EIF2A: variants seen among roughly 807,000 people sequenced by gnomAD.
EIF2A encodes eukaryotic translation initiation factor 2A.
Under a neutral mutation model 75.2 loss-of-function variants are expected in EIF2A, and 62 were observed. The observed-to-expected ratio is 0.82, with a 90% CI of 0.67 to 1.02. The LOEUF (loss-of-function observed/expected upper bound fraction) is 1.02, where lower values mean the gene tolerates loss of function less well. Among genes scored for constraint, EIF2A ranks in the 50% least tolerant of loss-of-function variants. The probability of loss-of-function intolerance (pLI) is 0.00; values close to 1 mark genes in which losing one functional copy is unlikely to be tolerated. For synonymous variants in EIF2A, 207 were observed against 239.0 expected, an observed-to-expected ratio of 0.87 and a Z score of 1.23; for missense variants, 611 against 677.7, an observed-to-expected ratio of 0.90 and a Z score of 1.09.
Position 150,572,613 on chromosome 3 carries a change from G to A in EIF2A, c.1383+84G>A, listed in dbSNP as rs1286129222. 8 of 1,326,110 alleles carry A rather than the reference G, an allele frequency of 6.0e-6. 1 individual carries two copies. Among genetic ancestry groups the A allele is most frequent in the Middle Eastern group, 4.1e-4 (2 of 4,920 alleles). The allele number at this position is 1,326,110 out of a possible 1,614,324, so 82.1% of individuals were successfully genotyped here. A position where few individuals can be genotyped will look rare whatever the true frequency, so the allele number is the denominator to read the frequency against. Reference sequence around the variant, plus strand: ...TTCACATCCGTAATCCCAGCACTTCGGGAGGCCGAGGCGGGAGGATCACTT... The same window carrying A: ...TTCACATCCGTAATCCCAGCACTTCAGGAGGCCGAGGCGGGAGGATCACTT... On this transcript the variant is annotated intron_variant, in intron 10 of 13. Coordinates refer to ENST00000460851, the MANE Select transcript of EIF2A (RefSeq NM_032025.5).
At chr3:150,563,477 T>C (rs1231354155) in intron 4 of EIF2A, 38 bp from the exon 5 acceptor site, 1 of 1,462,142 alleles carries the variant, frequency 6.8e-7, no homozygotes, top group Non-Finnish European at 9.3e-7. Flanking sequence ...TTACAAATGT[T>C]ACAAGGCAAT....
In EIF2A at chr3:150,564,345, A is replaced by G. The variant is rs1315268529; in HGVS notation, c.439A>G (p.Asn147Asp). The G allele has an allele frequency of 6.2e-7, 1 of 1,603,706 alleles. No homozygotes were observed. The highest frequency in any genetic ancestry group is 2.2e-5 in the East Asian group (1 of 44,542). ...EDETLCARNVNNEVHFFENNN... is the reference protein window; with the variant it reads ...EDETLCARNVDNEVHFFENNN... ...TGAAACTCTTTGTGCCCGCAATGTTAACAATGAAGTTCACTTCTTTGAAAA... is the reference window on the plus strand; with the variant it reads ...TGAAACTCTTTGTGCCCGCAATGTTGACAATGAAGTTCACTTCTTTGAAAA... The change falls in exon 6 of 14, where the codon AAC becomes GAC. Residue 147 changes from asparagine (N) to aspartate (D), a missense_variant. Transcript: ENST00000460851.
intron 2 of EIF2A, among the ~76,000 whole-genome samples, chr3:150,556,435 A>G (rs904016480): frequency 5.9e-5 from 9 of 152,202 alleles, no homozygotes; most frequent in South Asian, 2.1e-4. Context: ...ATCCAATCCA[A>G]GTATTGGGTA....
chr3:150,581,223 T>C (rs539328526), intron 11 of EIF2A, among the ~76,000 whole-genome samples: 1 of 152,374 alleles, frequency 6.6e-6, no homozygotes, highest in South Asian at 2.1e-4. Flanking sequence ...AGGATTCTTA[T>C]TCTTGTAGCA....
At chr3:150,562,273 T>C (rs1168173328) in intron 3 of EIF2A, among the ~76,000 whole-genome samples, 2 of 151,906 alleles carry the variant, frequency 1.3e-5, no homozygotes, top group Non-Finnish European at 2.9e-5. Flanking sequence ...ATACAAAAAA[T>C]TAGCCGGGCG....
rs776483739 is a variant in EIF2A at position 150,562,621 on chromosome 3, C to T, written c.253C>T (p.Pro85Ser). 6.2e-7 allele frequency: 1 copy of T among 1,613,482 alleles called. No individual in the cohort carries two copies. The highest frequency in any genetic ancestry group is 1.1e-5 in the South Asian group (1 of 91,028). The change falls in exon 4 of 14, where the codon CCC (proline) becomes TCC (serine). Residue 85 changes from proline (P) to serine (S), a missense_variant. Physicochemically the swap from Pro to Ser is moderately conservative, Grantham distance 74. Transcript: ENST00000460851. ...GAAGGCAGTTTGCCTTGAATTCTCACCCAAAAATACTGTCCTGGCAACGTG... is the reference window on the plus strand; with the variant it reads ...GAAGGCAGTTTGCCTTGAATTCTCATCCAAAAATACTGTCCTGGCAACGTG... ...LLKAVCLEFSPKNTVLATWQP... is the reference protein window; with the variant it reads ...LLKAVCLEFSSKNTVLATWQP...
In EIF2A at chr3:150,572,066, A is replaced by G; in HGVS notation, c.920A>G (p.Asp307Gly). ...AKATIFNLKC[D>G]PVFDFGTGPR... is the part of the protein sequence containing the mutation. ...GCGACAATTTTCAACTTGAAATGTG[A>G]TCCTGTATTTGACTTTGGAACTGGT... Residue 307 changes from aspartate to glycine, a missense_variant, in exon 10 of 14, where the codon GAT becomes GGT. Physicochemically the swap from Asp to Gly is moderately conservative, Grantham distance 94. Transcript: ENST00000460851. The G allele has an allele frequency of 6.2e-7, 1 of 1,613,994 alleles. No homozygotes were observed. Among genetic ancestry groups the G allele is most frequent in the South Asian group, 1.1e-5 (1 of 91,084 alleles).
At chr3:150,551,279 G>C (rs1437957259) in intron 1 of EIF2A, among the ~76,000 whole-genome samples, 8 of 152,090 alleles carry the variant, frequency 5.3e-5, no homozygotes, top group Admixed American at 4.6e-4. Context: ...AGTTCAATGA[G>C]GTCAGAGACA....
At chr3:150,568,618 A>G (rs1051712528) in intron 9 of EIF2A, among the ~76,000 whole-genome samples, 1 of 152,212 alleles carries the variant, frequency 6.6e-6, no homozygotes, top group Non-Finnish European at 1.5e-5. Context: ...TAGAATTGTT[A>G]GTAATATGCA....
At chr3:150,558,921 AAT>A (rs1201110676) in intron 3 of EIF2A, among the ~76,000 whole-genome samples, 5 of 152,166 alleles carry the variant, frequency 3.3e-5, no homozygotes, top group African/African-American at 1.2e-4. Context: ...CGTTTAGTAT[AAT>A]ATATGTTACA....
At chr3:150,572,680 C>A (rs1411480874) in intron 10 of EIF2A, among the ~76,000 whole-genome samples, 151 bp downstream of exon 10, 1 of 152,132 alleles carries the variant, frequency 6.6e-6, no homozygotes, top group Non-Finnish European at 1.5e-5. Flanking sequence ...CATGCTGAAA[C>A]CCCGTCCCTA....
chr3:150,548,134 C>T (rs1442644485), intron 1 of EIF2A, among the ~76,000 whole-genome samples: 2 of 152,190 alleles, frequency 1.3e-5, no homozygotes, highest in Non-Finnish European at 2.9e-5. Flanking sequence ...TCCTTGCCAT[C>T]CCATCTTATT....
At chr3:150,569,093 A>G (rs1431051569) in intron 9 of EIF2A, among the ~76,000 whole-genome samples, 1 of 152,218 alleles carries the variant, frequency 6.6e-6, no homozygotes, top group Admixed American at 6.5e-5. Flanking sequence ...CAGAGAAAAA[A>G]CAAGGATGGC....
chr3:150,563,488 T>C (rs746362775), intron 4 of EIF2A, 27 bp from the exon 5 acceptor site: 3 of 1,515,216 alleles, frequency 2.0e-6, no homozygotes, highest in African/African-American at 2.8e-5. Flanking sequence ...ACAAGGCAAT[T>C]ACTGAAAAAA....
chr3:150,585,083 C>G lies in EIF2A; in HGVS notation c.*1172C>G, dbSNP rs1400241944. 6.6e-6 allele frequency among the ~76,000 whole-genome samples: 1 copy of G among 152,084 alleles called. No homozygotes were observed. Among genetic ancestry groups the G allele is most frequent in the African/African-American group, 2.4e-5 (1 of 41,424 alleles). ...GGTGGTGGTGTTTGTTTGACAGGGT[C>G]TCACTCTGCCTCCCAGGTTGGAGTG... On this transcript the variant is annotated 3_prime_UTR_variant, in exon 14 of 14. Transcript: ENST00000460851.
intron 11 of EIF2A, among the ~76,000 whole-genome samples, chr3:150,576,712 T>C (rs1435695265): frequency 1.3e-5 from 2 of 152,176 alleles, no homozygotes; most frequent in Non-Finnish European, 2.9e-5. Flanking sequence ...TAAGAGAAGC[T>C]GGAAATTACA....
chr3:150,558,358 A>C, intron 2 of EIF2A, 30 bp from the exon 3 acceptor site: 1 of 1,458,854 alleles, frequency 6.9e-7, no homozygotes, highest in Non-Finnish European at 9.0e-7. Flanking sequence ...ATGCTTATTC[A>C]TTTAAACCTT....
intron 2 of EIF2A, among the ~76,000 whole-genome samples, chr3:150,553,216 G>A (rs533502690): frequency 2.1e-3 from 317 of 151,668 alleles, no homozygotes; most frequent in African/African-American, 7.3e-3. Flanking sequence ...TACTCTACTC[G>A]GGAGGCTGAT....
At chr3:150,570,481 G>A (rs754429471) in intron 9 of EIF2A, among the ~76,000 whole-genome samples, 11 of 151,110 alleles carry the variant, frequency 7.3e-5, no homozygotes, top group Non-Finnish European at 1.2e-4. Context: ...TGGGAGGATT[G>A]TATGAGCCGA....
Sources: gnomAD v4.1 joint callset for allele counts (sites outside exome capture counted in the v4.1 genomes callset) on GRCh38, gnomAD v4.1.1 for gene constraint, MANE v1.5 for transcripts, NCBI Gene and HGNC (gene_info 2026-07-23, HGNC 2026-07-21) for gene names.